MAP3K19: variants seen among roughly 807,000 people sequenced by gnomAD.
MAP3K19 encodes the protein mitogen-activated protein kinase kinase kinase 19, also known as SPS1/STE20-related protein kinase YSK4.
MAP3K19 carries 91 observed loss-of-function variants against 114.4 expected under a neutral mutation model. The ratio of observed to expected loss-of-function variants is 0.80; its 90% CI spans 0.67 to 0.95. The LOEUF is 0.95. MAP3K19 is among the 40% of genes least tolerant of loss of function. The pLI, the probability that MAP3K19 is intolerant of heterozygous loss-of-function variation, is 0.00. For synonymous variants in MAP3K19, 518 were observed against 530.5 expected (o/e 0.98, Z 0.32); for missense variants, 1,471 against 1,573.2 (o/e 0.94, Z 1.10).
chr2:134,968,617 C>T (rs1683598776), intron 12 of MAP3K19, among the ~76,000 whole-genome samples: 1 of 151,090 alleles, frequency 6.6e-6, no homozygotes. Flanking sequence ...GGCAGAGGGT[C>T]TCCTCACTTC....
intron 3 of MAP3K19, among the ~76,000 whole-genome samples, chr2:135,028,557 C>CAA (rs60216707): frequency 4.7e-5 from 5 of 107,060 alleles, no homozygotes; most frequent in Non-Finnish European, 6.5e-5. Context: ...GACTCTGTCT[C>CAA]AAAAAAAAAA....
At chr2:134,971,531 T>C (rs1261160976) in intron 12 of MAP3K19, among the ~76,000 whole-genome samples, 2 of 152,166 alleles carry the variant, frequency 1.3e-5, no homozygotes, top group Non-Finnish European at 2.9e-5. Context: ...TGGTAGAATA[T>C]GGCAGTGAAG....
chr2:135,046,804 AAG>A (rs1455578946), intron 1 of MAP3K19, among the ~76,000 whole-genome samples: 1 of 152,248 alleles, frequency 6.6e-6, no homozygotes, highest in Non-Finnish European at 1.5e-5. Context: ...AAGCATGGTT[AAG>A]AACATATGTA....
chr2:135,016,924 T>C (rs1391748751), intron 5 of MAP3K19, among the ~76,000 whole-genome samples: 1 of 152,224 alleles, frequency 6.6e-6, no homozygotes, highest in Non-Finnish European at 1.5e-5. Flanking sequence ...TGATGGGTCT[T>C]GCAGTGATGG....
intron 12 of MAP3K19, among the ~76,000 whole-genome samples, chr2:134,973,670 T>C (rs1434872634): frequency 1.3e-5 from 2 of 152,050 alleles, no homozygotes; most frequent in Admixed American, 1.3e-4. Context: ...TGTTTGTTTC[T>C]TTCTTTCTTT....
At chr2:134,977,092 T>G (rs1265560224) in intron 12 of MAP3K19, among the ~76,000 whole-genome samples, 1 of 151,418 alleles carries the variant, frequency 6.6e-6, no homozygotes, top group Non-Finnish European at 1.5e-5. Flanking sequence ...GGAGGCCCTT[T>G]CTCCGGCCTT....
Position 135,043,405 on chromosome 2 carries a change from C to T in MAP3K19, c.-423-2903G>A, listed in dbSNP as rs779052590. On this transcript the variant is annotated intron_variant, in intron 1 of 12. Transcript: ENST00000392915. ...TTCCTTTAGTAGATCTGGGATGAGC[C>T]TGGCGACTCTCTTTCTTTGAAAGAG... Among the ~76,000 whole-genome samples the T allele has an allele frequency of 5.1e-4, 77 of 152,096 alleles. 1 individual carries two copies. Among genetic ancestry groups the T allele is most frequent in the Non-Finnish European group, 1.1e-3 (73 of 68,024 alleles).
At chr2:134,977,180 A>C (rs991282327) in intron 12 of MAP3K19, among the ~76,000 whole-genome samples, 4 of 140,930 alleles carry the variant, frequency 2.8e-5, no homozygotes, top group Admixed American at 7.1e-5. Context: ...CCGCTCCCCC[A>C]CCCACTTTTT....
At chr2:134,994,240 G>A (rs1685827761) in intron 8 of MAP3K19, among the ~76,000 whole-genome samples, 2 of 152,226 alleles carry the variant, frequency 1.3e-5, no homozygotes, top group East Asian at 3.8e-4. Flanking sequence ...AACTGATTGA[G>A]TTGTCAGCTT....
Position 134,980,905 on chromosome 2 carries a change from A to G in MAP3K19, c.3836T>C (p.Ile1279Thr). The change falls in exon 12 of 13, where the codon ATC becomes ACC. Residue 1279 changes from isoleucine to threonine, a missense_variant. By Grantham distance (89) the Ile-to-Thr change is moderately conservative. Coordinates refer to ENST00000392915, the MANE Select transcript of MAP3K19 (RefSeq NM_025052.5). The part of the protein sequence containing the change: ...SMDRMAAMFY[I>T]GAHRGLMPPL... ...AGGCATCAGCCCTCGGTGTGCTCCG[A>G]TGTAAAACATGGCGGCCATCCTGTC... 6.2e-7 allele frequency: 1 copy of G among 1,614,216 alleles called. No homozygotes were observed.
At chr2:135,010,479 CAT>C (rs1249250861) in intron 5 of MAP3K19, among the ~76,000 whole-genome samples, 3 of 152,134 alleles carry the variant, frequency 2.0e-5, no homozygotes, top group African/African-American at 7.2e-5. Flanking sequence ...AAGTCCCAAA[CAT>C]AGATGGATTT....
In MAP3K19 at chr2:134,999,895, A is replaced by C; in HGVS notation, c.314+42T>G. The C allele has an allele frequency of 7.7e-7, 1 of 1,303,666 alleles. No homozygotes were observed. Among genetic ancestry groups the C allele is most frequent in the Non-Finnish European group, 1.1e-6 (1 of 897,644 alleles). 80.8% of individuals were successfully genotyped at this position (1,303,666 alleles called of 1,614,324 possible). On this transcript the variant is annotated intron_variant, in intron 7 of 12. Coordinates refer to ENST00000392915, the MANE Select transcript of MAP3K19 (RefSeq NM_025052.5). The surrounding 1 kb of genome is among the most constrained non-coding windows in gnomAD (Gnocchi z 4.1). ...GTTGCCATATGACTATCATTGCTTCATACTTCATTTCAAATCTGATACTTC... is the reference window on the plus strand; with the variant it reads ...GTTGCCATATGACTATCATTGCTTCCTACTTCATTTCAAATCTGATACTTC...
At position 134,986,316 on chromosome 2, in the gene MAP3K19, T is replaced by G. The variant is rs1361801018; in HGVS notation, c.2556A>C (p.Ser852=). The G allele has an allele frequency of 6.2e-7, 1 of 1,613,944 alleles. No individual in the cohort carries two copies. Among genetic ancestry groups the G allele is most frequent in the Non-Finnish European group, 8.5e-7 (1 of 1,179,964 alleles). ...ELHHQIPFIP[S]EDSWAVPSEK... ...CACTGGGCACTGCCCAGCTGTCTTC[T>G]GAAGGGATAAATGGGATCTGGTGAT... The change falls in exon 10 of 13, where the codon TCA becomes TCC. Residue 852 remains serine, a synonymous_variant. Transcript: ENST00000392915.
At chr2:135,003,114 G>A (rs987079483) in intron 6 of MAP3K19, among the ~76,000 whole-genome samples, 1 of 152,126 alleles carries the variant, frequency 6.6e-6, no homozygotes, top group African/African-American at 2.4e-5. Context: ...AAGACCACGT[G>A]GGGACAGACC....
At chr2:134,998,710 T>C in intron 8 of MAP3K19, 28 bp downstream of exon 8, 2 of 1,575,358 alleles carry the variant, frequency 1.3e-6, no homozygotes, top group South Asian at 1.2e-5. Context: ...CCAAAAGGAC[T>C]CACTGTGGAA....
chr2:134,982,585 A>C (rs1477134001), intron 11 of MAP3K19, among the ~76,000 whole-genome samples: 3 of 151,974 alleles, frequency 2.0e-5, no homozygotes, highest in Non-Finnish European at 4.4e-5. Context: ...CCTGACCTCA[A>C]GTGATCCACC....
chr2:135,009,708 T>TAA (rs1687081373), intron 5 of MAP3K19, among the ~76,000 whole-genome samples: 1 of 152,078 alleles, frequency 6.6e-6, no homozygotes, highest in South Asian at 2.1e-4. Context: ...ATGACTAGCA[T>TAA]TTACATATAT....
chr2:135,024,636 C>A lies in MAP3K19; in HGVS notation c.12G>T (p.Met4Ile). 5.0e-6 allele frequency: 8 copies of A among 1,613,558 alleles called. No individual in the cohort carries two copies. Among genetic ancestry groups the A allele is most frequent in the Non-Finnish European group, 6.8e-6 (8 of 1,179,608 alleles). ...AGTGAAAGTATTTACCTGGTTTTGG[C>A]ATAGAACTCATTAAAATGTCCAAAA... MSS[M>I]PKPERHAESL... Residue 4 changes from methionine (M) to isoleucine (I), a missense_variant, in exon 4 of 13, where the codon ATG (methionine) becomes ATT (isoleucine). Met to Ile is a conservative substitution (Grantham distance 10, BLOSUM62 1). Transcript: ENST00000392915.
chr2:134,998,394 AC>A (rs1420953900), intron 8 of MAP3K19, among the ~76,000 whole-genome samples: 2 of 152,270 alleles, frequency 1.3e-5, no homozygotes, highest in African/African-American at 4.8e-5. Context: ...AGTATAGTTT[AC>A]AAAATAATGT....
Sources: allele counts gnomAD v4.1 joint callset (sites outside exome capture counted in the v4.1 genomes callset), GRCh38; gene constraint gnomAD v4.1.1; non-coding constraint Gnocchi (gnomAD v3.1); transcripts MANE v1.5; gene names NCBI Gene and HGNC (gene_info 2026-07-23, HGNC 2026-07-21).